SCLT1: variants seen among roughly 807,000 people sequenced by gnomAD.
SCLT1 encodes the protein sodium channel and clathrin linker 1, also known as sodium channel-associated protein 1.
A neutral mutation model predicts 112.8 loss-of-function variants in SCLT1; 78 were observed. The observed-to-expected ratio is 0.69, with a 90% confidence interval of 0.58 to 0.83. SCLT1 has a LOEUF of 0.83. Among genes scored for constraint, SCLT1 ranks in the 40% least tolerant of loss-of-function variants. The probability of loss-of-function intolerance (pLI) is 0.00; values close to 1 mark genes in which losing one functional copy is unlikely to be tolerated. For missense variants in SCLT1, 747 were observed against 770.4 expected, an observed-to-expected ratio of 0.97 and a Z score of 0.36; for synonymous variants, 257 against 254.7, an observed-to-expected ratio of 1.01 and a Z score of -0.09.
At chr4:129,075,937 G>A (rs889322182) in intron 2 of SCLT1, among the ~76,000 whole-genome samples, 1 of 151,992 alleles carries the variant, frequency 6.6e-6, no homozygotes, top group East Asian at 1.9e-4. Context: ...ATTCTTCCCT[G>A]CCTCAAGGCC....
At chr4:128,884,740 A>G (rs1201388381) in intron 20 of SCLT1, among the ~76,000 whole-genome samples, 1 of 152,190 alleles carries the variant, frequency 6.6e-6, no homozygotes. Flanking sequence ...AGCTCAATGT[A>G]GCCTTGACCT....
rs765514231 is a variant in SCLT1 at position 128,965,269 on chromosome 4, C to T, written c.827G>A (p.Arg276His). The T allele has an allele frequency of 1.5e-5, 24 of 1,609,714 alleles. No homozygotes were observed. In the African/African-American group the frequency reaches 1.7e-4, roughly 12 times the overall value. Residue 276 changes from arginine (R) to histidine (H), a missense_variant, in exon 11 of 21, where the codon CGT becomes CAT. Arg to His is a conservative substitution (Grantham distance 29). Coordinates refer to ENST00000281142, the MANE Select transcript of SCLT1 (RefSeq NM_144643.4). ...AHGREEASDR[R>H]LQQLQSSIKQ... ...TATACTAGACTGTAACTGCTGTAAACGCCTATCTGATGCTTCCTCTCTTCC... is the reference window on the plus strand; with the variant it reads ...TATACTAGACTGTAACTGCTGTAAATGCCTATCTGATGCTTCCTCTCTTCC...
chr4:129,061,006 C>T (rs1231373053), intron 2 of SCLT1, among the ~76,000 whole-genome samples: 2 of 152,074 alleles, frequency 1.3e-5, no homozygotes, highest in Non-Finnish European at 2.9e-5. Flanking sequence ...GGTTCTATCC[C>T]TGGGTGGGGG....
intron 18 of SCLT1, among the ~76,000 whole-genome samples, chr4:128,936,125 T>TC (rs397708804): frequency 6.6e-6 from 1 of 151,784 alleles, no homozygotes; most frequent in African/African-American, 2.4e-5. Context: ...TCTTTTTTTT[T>TC]AATAGATTTT....
intron 9 of SCLT1, among the ~76,000 whole-genome samples, chr4:128,991,653 CA>C (rs1336109139): frequency 1.3e-5 from 2 of 151,498 alleles, no homozygotes; most frequent in Non-Finnish European, 3.0e-5. Context: ...AAATAATGGG[CA>C]AAATACCTGA....
At position 129,012,655 on chromosome 4, in the gene SCLT1, G is replaced by T. The variant is rs113398090; in HGVS notation, c.291-8779C>A. ...CCACTACTATTGTATGGGAGTCTAT[G>T]TCTCTTTGAAGGTCTCTAAAAACTT... On this transcript the variant is annotated intron_variant, in intron 5 of 20. Transcript: ENST00000281142. Among the ~76,000 whole-genome samples the T allele has an allele frequency of 4.8e-3, 732 of 152,248 alleles. 4 individuals carry two copies. The highest frequency in any genetic ancestry group is 0.016 in the African/African-American group (665 of 41,542).
intron 5 of SCLT1, among the ~76,000 whole-genome samples, chr4:129,027,914 C>T (rs542464712): frequency 1.3e-5 from 2 of 152,172 alleles, no homozygotes; most frequent in Non-Finnish European, 2.9e-5. Flanking sequence ...CATGAGTGAA[C>T]TCCCATTCAC....
chr4:128,968,493 T>C (rs186779741), intron 10 of SCLT1, among the ~76,000 whole-genome samples: 2 of 152,310 alleles, frequency 1.3e-5, no homozygotes, highest in African/African-American at 4.8e-5. Flanking sequence ...AAACAGATTT[T>C]AATTCCTTGA....
intron 2 of SCLT1, among the ~76,000 whole-genome samples, chr4:129,048,883 T>A (rs1322775718): frequency 1.3e-5 from 2 of 152,054 alleles, no homozygotes; most frequent in African/African-American, 4.8e-5. Context: ...GAAAAAATGC[T>A]CATCATCACT....
At chr4:128,900,063 G>T (rs1213466580) in intron 18 of SCLT1, among the ~76,000 whole-genome samples, 6 of 152,144 alleles carry the variant, frequency 3.9e-5, no homozygotes, top group Admixed American at 2.0e-4. Context: ...ACACGCATGG[G>T]TAGGAAGAAT....
chr4:129,017,416 G>T (rs1487533394), intron 5 of SCLT1, among the ~76,000 whole-genome samples: 3 of 151,934 alleles, frequency 2.0e-5, no homozygotes, highest in African/African-American at 7.3e-5. Context: ...TATAACAGTT[G>T]TAATAATATA....
At chr4:128,893,956 T>C (rs188463068) in intron 18 of SCLT1, among the ~76,000 whole-genome samples, 7 of 152,118 alleles carry the variant, frequency 4.6e-5, no homozygotes, top group African/African-American at 1.4e-4. Context: ...TGTTTGTTTT[T>C]TGAGAGAGGG....
intron 2 of SCLT1, among the ~76,000 whole-genome samples, chr4:129,051,667 CCAAA>C (rs1484660437): frequency 6.6e-6 from 1 of 152,054 alleles, no homozygotes; most frequent in Admixed American, 6.6e-5. Flanking sequence ...CATGTCATCT[CCAAA>C]CAGAGACAAT....
At chr4:129,043,935 T>A in intron 3 of SCLT1, 58 bp downstream of exon 3, 1 of 855,724 alleles carries the variant, frequency 1.2e-6, no homozygotes, top group Non-Finnish European at 1.9e-6. Context: ...GATACTGAAT[T>A]ATGCTAATAA....
intron 18 of SCLT1, among the ~76,000 whole-genome samples, chr4:128,901,531 G>T (rs1050275502): frequency 2.7e-4 from 3 of 11,234 alleles, no homozygotes; most frequent in East Asian, 2.1e-3. Context: ...TGGGGTGGTG[G>T]GGGGGGGGAG....
Position 128,992,187 on chromosome 4 carries a change from T to C in SCLT1, c.666A>G (p.Glu222=), listed in dbSNP as rs1356782885. The C allele has an allele frequency of 3.1e-6, 5 of 1,596,202 alleles. No individual in the cohort carries two copies. Among genetic ancestry groups the C allele is most frequent in the Non-Finnish European group, 4.3e-6 (5 of 1,170,128 alleles). The part of the protein sequence containing the change: ...KTVTEQSVII[E]QLRKKLRQAK... Reference sequence around the variant, plus strand: ...AATACCTAAGTTTTTTTCGGAGTTGTTCGATTATCACACTTTGTTCAGTTA... The same window carrying C: ...AATACCTAAGTTTTTTTCGGAGTTGCTCGATTATCACACTTTGTTCAGTTA... Residue 222 remains glutamate (E), a synonymous_variant, in exon 9 of 21, where the codon GAA becomes GAG. Coordinates refer to ENST00000281142, the MANE Select transcript of SCLT1 (RefSeq NM_144643.4).
At chr4:128,967,193 C>A (rs74795880) in intron 10 of SCLT1, among the ~76,000 whole-genome samples, 1 of 152,146 alleles carries the variant, frequency 6.6e-6, no homozygotes, top group African/African-American at 2.4e-5. Context: ...TGATTTCATT[C>A]TTTTTATGGC....
intron 18 of SCLT1, among the ~76,000 whole-genome samples, chr4:128,900,543 C>T (rs1392143184): frequency 6.6e-6 from 1 of 152,202 alleles, no homozygotes; most frequent in East Asian, 1.9e-4. Flanking sequence ...GGATTAAAGA[C>T]TTAAATGTTA....
At chr4:129,002,470 A>G (rs922244908) in intron 6 of SCLT1, among the ~76,000 whole-genome samples, 1 of 152,114 alleles carries the variant, frequency 6.6e-6, no homozygotes, top group Non-Finnish European at 1.5e-5. Context: ...TATTCTGAAA[A>G]CAATATCAGA....
Sources: gnomAD v4.1 joint callset for allele counts (sites outside exome capture counted in the v4.1 genomes callset) on GRCh38, gnomAD v4.1.1 for gene constraint, MANE v1.5 for transcripts, NCBI Gene and HGNC (gene_info 2026-07-23, HGNC 2026-07-21) for gene names.